The following CDK14 variants were observed in gnomAD, a reference collection of about 807,000 sequenced individuals.
The protein encoded by CDK14 is cyclin dependent kinase 14, also known as cyclin-dependent kinase 14.
A neutral mutation model predicts 60.7 loss-of-function variants in CDK14; 34 were observed. The observed-to-expected ratio is 0.56, with a 90% CI of 0.43 to 0.75. The LOEUF (loss-of-function observed/expected upper bound fraction) is 0.75. Among genes scored for constraint, CDK14 ranks in the 30% least tolerant of loss-of-function variants. The pLI, the probability that CDK14 is intolerant of heterozygous loss-of-function variation, is 0.00. For missense variants in CDK14, 482 were observed against 564.1 expected (o/e 0.85, Z 1.47); for synonymous variants, 197 against 203.7 (o/e 0.97, Z 0.28).
chr7:91,172,398 C>T (rs560296053), intron 14 of CDK14, among the ~76,000 whole-genome samples: 3 of 152,322 alleles, frequency 2.0e-5, no homozygotes, highest in South Asian at 2.1e-4. Flanking sequence ...ATTGTCTGGT[C>T]GCCTTAGCTG....
At chr7:91,067,999 A>T (rs990073701) in intron 11 of CDK14, among the ~76,000 whole-genome samples, 1 of 152,186 alleles carries the variant, frequency 6.6e-6, no homozygotes, top group African/African-American at 2.4e-5. Flanking sequence ...AGGGCATTTG[A>T]CTTAATTAAT....
intron 10 of CDK14, among the ~76,000 whole-genome samples, chr7:90,995,678 G>A (rs938467553): frequency 6.6e-6 from 1 of 152,186 alleles, no homozygotes; most frequent in East Asian, 1.9e-4. Flanking sequence ...CATGTTTAGT[G>A]TGTGCCAGAA....
intron 3 of CDK14, among the ~76,000 whole-genome samples, chr7:90,744,723 G>A (rs1186991315): frequency 5.8e-5 from 6 of 104,278 alleles, no homozygotes; most frequent in South Asian, 3.4e-4. Flanking sequence ...GCCGGGCAGA[G>A]GCGCCCCTCA....
At chr7:90,784,557 GT>G (rs1022694917) in intron 4 of CDK14, among the ~76,000 whole-genome samples, 1 of 152,050 alleles carries the variant, frequency 6.6e-6, no homozygotes, top group Non-Finnish European at 1.5e-5. Context: ...GTATCCATAA[GT>G]TTTTTTAAAA....
intron 5 of CDK14, among the ~76,000 whole-genome samples, chr7:90,795,930 A>G (rs1187316149): frequency 3.3e-5 from 5 of 152,178 alleles, no homozygotes; most frequent in Admixed American, 3.3e-4. Flanking sequence ...CAAGGGAAGA[A>G]GCAAGTAGGA....
chr7:90,663,065 A>T (rs1800894591), intron 2 of CDK14, among the ~76,000 whole-genome samples: 1 of 151,438 alleles, frequency 6.6e-6, no homozygotes, highest in African/African-American at 2.4e-5. Context: ...ATGTCTACAC[A>T]CACTTTGGGG....
chr7:90,982,732 C>T (rs1168199424), intron 9 of CDK14, among the ~76,000 whole-genome samples: 1 of 151,982 alleles, frequency 6.6e-6, no homozygotes, highest in Non-Finnish European at 1.5e-5. Context: ...CTTTTCTGAG[C>T]CCAGTATAGT....
At chr7:91,162,278 T>C (rs983507580) in intron 14 of CDK14, among the ~76,000 whole-genome samples, 2 of 152,190 alleles carry the variant, frequency 1.3e-5, no homozygotes, top group African/African-American at 4.8e-5. Flanking sequence ...CATTTAAGCC[T>C]TGTATGGAAA....
At chr7:91,127,014 C>T (rs1799970127) in intron 14 of CDK14, among the ~76,000 whole-genome samples, 1 of 152,084 alleles carries the variant, frequency 6.6e-6, no homozygotes, top group Non-Finnish European at 1.5e-5. Flanking sequence ...AATGTCATGA[C>T]TTCGAGGCAG....
At chr7:90,726,411 G>T in intron 2 of CDK14, 156 bp from the exon 3 acceptor site, 3 of 1,242,416 alleles carry the variant, frequency 2.4e-6, no homozygotes, top group South Asian at 1.6e-5. Flanking sequence ...GGATTTTTTT[G>T]TACTGTAATT....
chr7:90,976,033 C>A (rs1020133785), intron 9 of CDK14, among the ~76,000 whole-genome samples: 10 of 152,128 alleles, frequency 6.6e-5, no homozygotes, highest in Admixed American at 3.9e-4. Context: ...ATACTGATTT[C>A]TTTTCCTTTG....
chr7:90,672,034 A>T (rs1408342678), intron 2 of CDK14, among the ~76,000 whole-genome samples: 1 of 152,248 alleles, frequency 6.6e-6, no homozygotes, highest in African/African-American at 2.4e-5. Flanking sequence ...ATGAAGCAGG[A>T]AGAATAACTT....
intron 14 of CDK14, among the ~76,000 whole-genome samples, chr7:91,198,283 A>AG (rs1299755303): frequency 6.6e-6 from 1 of 152,212 alleles, no homozygotes; most frequent in African/African-American, 2.4e-5. Context: ...GGTAAAGGGT[A>AG]GTCCACTTCA....
intron 5 of CDK14, among the ~76,000 whole-genome samples, chr7:90,807,960 C>A (rs572402257): frequency 1.2e-4 from 19 of 152,100 alleles, no homozygotes; most frequent in Non-Finnish European, 2.2e-4. Flanking sequence ...AAATATGGGA[C>A]TATGTGAAAA....
At chr7:90,691,493 G>A (rs1801551818) in intron 2 of CDK14, among the ~76,000 whole-genome samples, 1 of 152,088 alleles carries the variant, frequency 6.6e-6, no homozygotes, top group Admixed American at 6.6e-5. Flanking sequence ...TGTGGATGGA[G>A]AATAGTAAGG....
In CDK14 at chr7:91,059,014, A is replaced by T. The variant is rs376811316; in HGVS notation, c.1105+13054A>T. On this transcript the variant is annotated intron_variant, in intron 11 of 14. Transcript: ENST00000380050. ...CTCCTTGTACCTCTGGTAGAATTCG[A>T]CTATGAGTCCGTCTGGTCCTGGACT... Among the ~76,000 whole-genome samples, 7 of 152,068 alleles carry T rather than the reference A, an allele frequency of 4.6e-5. No individual in the cohort carries two copies. The East Asian group carries it at 7.7e-4, about 17-fold the overall frequency.
At chr7:90,644,364 T>G (rs1052587396) in intron 2 of CDK14, among the ~76,000 whole-genome samples, 3 of 152,254 alleles carry the variant, frequency 2.0e-5, no homozygotes, top group African/African-American at 4.8e-5. Context: ...AAGCCAAGTA[T>G]GAGTTAAGTC....
intron 6 of CDK14, among the ~76,000 whole-genome samples, chr7:90,883,516 C>T (rs183274411): frequency 1.1e-3 from 175 of 152,226 alleles, no homozygotes; most frequent in African/African-American, 3.8e-3. Context: ...AATACAAAGA[C>T]GAGCTGCTAC....
chr7:90,643,380 A>G (rs564431580), intron 2 of CDK14, among the ~76,000 whole-genome samples: 5 of 152,150 alleles, frequency 3.3e-5, no homozygotes, highest in Non-Finnish European at 7.4e-5. Context: ...GTTAAATGTT[A>G]CTTTTAAGAC....
Sources: allele counts gnomAD v4.1 joint callset (sites outside exome capture counted in the v4.1 genomes callset), GRCh38; gene constraint gnomAD v4.1.1; transcripts MANE v1.5; gene names NCBI Gene and HGNC (gene_info 2026-07-23, HGNC 2026-07-21).